The following FAM204A variants were observed in gnomAD, a reference collection of about 807,000 sequenced individuals.
The protein encoded by FAM204A is protein FAM204A.
Under a neutral mutation model 35.4 loss-of-function variants are expected in FAM204A, and 16 were observed. The observed-to-expected ratio is 0.45, with a 90% confidence interval of 0.31 to 0.69. FAM204A has a LOEUF of 0.69. Among genes scored for constraint, FAM204A ranks in the 30% least tolerant of loss-of-function variants. FAM204A has a pLI of 0.07. For synonymous variants in FAM204A, 76 were observed against 86.9 expected (o/e 0.88, Z 0.70); for missense variants, 240 against 265.7 (o/e 0.90, Z 0.67).
At chr10:118,319,665 A>G (rs1340891681) in intron 7 of FAM204A, among the ~76,000 whole-genome samples, 3 of 152,006 alleles carry the variant, frequency 2.0e-5, no homozygotes, top group Non-Finnish European at 4.4e-5. Flanking sequence ...GAGCTTTCAT[A>G]TATGAAAAAT....
intron 6 of FAM204A, among the ~76,000 whole-genome samples, chr10:118,332,044 C>T (rs1036408101): frequency 6.6e-6 from 1 of 150,878 alleles, no homozygotes; most frequent in Non-Finnish European, 1.5e-5. Flanking sequence ...CATGATGGCG[C>T]ACACCTCTAG....
At chr10:118,315,085 C>T (rs1846010328) in intron 7 of FAM204A, among the ~76,000 whole-genome samples, 1 of 152,074 alleles carries the variant, frequency 6.6e-6, no homozygotes. Context: ...AGGCATTCAT[C>T]TTTACAGCCA....
chr10:118,331,848 T>C (rs1846294173), intron 6 of FAM204A, among the ~76,000 whole-genome samples: 1 of 148,140 alleles, frequency 6.8e-6, no homozygotes, highest in Non-Finnish European at 1.5e-5. Context: ...TACCTTTATA[T>C]ATATATATAT....
intron 7 of FAM204A, among the ~76,000 whole-genome samples, chr10:118,318,098 G>T (rs1846058840): frequency 6.6e-6 from 1 of 151,732 alleles, no homozygotes; most frequent in South Asian, 2.1e-4. Context: ...AAAAGAAAAT[G>T]GTCTCCTATA....
At chr10:118,316,586 A>G (rs1846034315) in intron 7 of FAM204A, among the ~76,000 whole-genome samples, 1 of 152,182 alleles carries the variant, frequency 6.6e-6, no homozygotes, top group Admixed American at 6.5e-5. Context: ...GTATCTATAT[A>G]TATGTACGAT....
At position 118,340,893 on chromosome 10, in the gene FAM204A, T is replaced by C. The variant is rs192735306; in HGVS notation, c.-9+834A>G. ...CTAATGCATTCTGATCCATTTGTTT[T>C]ACAAAAATAGCCCCATGGCTTTAGA... On this transcript the variant is annotated intron_variant, in intron 2 of 8. Transcript: ENST00000369183. Among the ~76,000 whole-genome samples, 3 of 152,304 alleles carry C rather than the reference T, an allele frequency of 2.0e-5. No homozygotes were observed. In the East Asian group the frequency reaches 5.8e-4, roughly 29 times the overall value.
intron 7 of FAM204A, among the ~76,000 whole-genome samples, chr10:118,322,121 C>T (rs1421467513): frequency 1.3e-5 from 2 of 152,040 alleles, no homozygotes; most frequent in Non-Finnish European, 2.9e-5. Flanking sequence ...AGTCATTTGG[C>T]AGTCACCATA....
At chr10:118,337,339 T>C (rs1846404987) in intron 2 of FAM204A, 5 of 571,342 alleles carry the variant, frequency 8.8e-6, no homozygotes, top group Non-Finnish European at 1.1e-5. Context: ...TGATTTACTA[T>C]CAATATGAAG....
rs1365113515 is a variant in FAM204A at position 118,336,207 on chromosome 10, GA to G, written c.208del (p.Ser70LeufsTer5). The G allele has an allele frequency of 6.2e-7, 1 of 1,613,784 alleles. No individual in the cohort carries two copies. Among genetic ancestry groups the G allele is most frequent in the East Asian group, 2.2e-5 (1 of 44,876 alleles). On this transcript the variant is annotated frameshift_variant, in exon 3 of 9. Transcript: ENST00000369183. LOFTEE classifies it high-confidence loss of function. Reference protein sequence around the residue: ...SNVNAYEECPSGIPIDMWNKF... With the variant: ...SNVNAYEECPXGIPIDMWNKF... ...ATTCCACATATCTATGGGAATTCCA[GA>G]AGGACACTCTTCATAGGCATTTACA...
At chr10:118,318,178 G>A (rs1194031397) in intron 7 of FAM204A, among the ~76,000 whole-genome samples, 5 of 151,956 alleles carry the variant, frequency 3.3e-5, no homozygotes, top group African/African-American at 9.7e-5. Context: ...CTGCTTTACT[G>A]GAAAGAGTAA....
rs1390062790 is a variant in FAM204A at position 118,310,261 on chromosome 10, G to C, written c.*596C>G. Reference sequence around the variant, plus strand: ...GGCAGAGGCAGGTGAATCATATGAGGCCAGGAGTTCAAGACCAGCCTGACC... The same window carrying C: ...GGCAGAGGCAGGTGAATCATATGAGCCCAGGAGTTCAAGACCAGCCTGACC... On this transcript the variant is annotated 3_prime_UTR_variant, in exon 9 of 9. Transcript: ENST00000369183. The C allele has an allele frequency of 6.6e-6, 1 of 151,336 alleles. No homozygotes were observed. Among genetic ancestry groups the C allele is most frequent in the Non-Finnish European group, 1.5e-5 (1 of 68,028 alleles). 9.4% of individuals were successfully genotyped at this position (151,336 alleles called of 1,614,324 possible). A position where few individuals can be genotyped will look rare whatever the true frequency, so the allele number is the denominator to read the frequency against.
At chr10:118,321,724 CAAA>C (rs200200755) in intron 7 of FAM204A, among the ~76,000 whole-genome samples, 1 of 87,258 alleles carries the variant, frequency 1.1e-5, no homozygotes, top group Middle Eastern at 9.3e-3. Flanking sequence ...TATGACAAAG[CAAA>C]AAAAAAAAAA....
chr10:118,340,091 T>A (rs1038560401), intron 2 of FAM204A, among the ~76,000 whole-genome samples: 11 of 152,170 alleles, frequency 7.2e-5, no homozygotes, highest in African/African-American at 2.2e-4. Context: ...ATTTTTCCCC[T>A]CAGTAAGACT....
At chr10:118,336,617 A>C (rs1431153190) in intron 2 of FAM204A, among the ~76,000 whole-genome samples, 194 bp from the exon 3 acceptor site, 2 of 151,490 alleles carry the variant, frequency 1.3e-5, no homozygotes, top group Non-Finnish European at 1.5e-5. Context: ...TTGTGTAAGT[A>C]AAAAAAAAGT....
In FAM204A at chr10:118,326,190, C is replaced by T; in HGVS notation, c.507G>A (p.Lys169=). 2 of 1,613,924 alleles carry T rather than the reference C, an allele frequency of 1.2e-6. No homozygotes were observed. Among genetic ancestry groups the T allele is most frequent in the Middle Eastern group, 1.7e-4 (1 of 6,060 alleles). ...CTAGCTGGTTGCTGAGTTCCTCAGC[C>T]TTCTCAATATTCCACTCCTCCACAG... ...DQAVEEWNIE[K]AEELSNQLAT... Residue 169 remains lysine (K), a synonymous_variant, in exon 7 of 9, where the codon AAG becomes AAA. Transcript: ENST00000369183.
intron 7 of FAM204A, chr10:118,322,364 C>T: frequency 2.2e-6 from 1 of 456,354 alleles, no homozygotes; most frequent in South Asian, 1.6e-5. Flanking sequence ...GCACGAGTCT[C>T]TGGATCGCTG....
intron 6 of FAM204A, among the ~76,000 whole-genome samples, chr10:118,329,797 G>A (rs759680570): frequency 6.6e-6 from 1 of 152,128 alleles, no homozygotes; most frequent in Non-Finnish European, 1.5e-5. Context: ...CTACTGAGCT[G>A]ATATTCACAC....
chr10:118,336,660 T>C (rs1846393903), intron 2 of FAM204A, among the ~76,000 whole-genome samples: 1 of 152,168 alleles, frequency 6.6e-6, no homozygotes, highest in Admixed American at 6.5e-5. Flanking sequence ...AACAAGTTTG[T>C]TACAACATAC....
intron 2 of FAM204A, among the ~76,000 whole-genome samples, chr10:118,338,065 G>T (rs554802131): frequency 1.6e-4 from 24 of 152,274 alleles, no homozygotes; most frequent in African/African-American, 5.8e-4. Flanking sequence ...AAATTACTAG[G>T]AAGATAATGG....
Sources: gnomAD v4.1 joint callset for allele counts (sites outside exome capture counted in the v4.1 genomes callset) on GRCh38, gnomAD v4.1.1 for gene constraint, MANE v1.5 for transcripts, NCBI Gene and HGNC (gene_info 2026-07-23, HGNC 2026-07-21) for gene names.